The following PPP6R2 variants were observed in gnomAD, a reference collection of about 807,000 sequenced individuals.
PPP6R2 encodes protein phosphatase 6 regulatory subunit 2.
Under a neutral mutation model 100.2 loss-of-function variants are expected in PPP6R2, and 62 were observed. The ratio of observed to expected loss-of-function variants is 0.62; its 90% CI spans 0.50 to 0.76. PPP6R2 has a LOEUF of 0.76. Ranked by LOEUF, PPP6R2 falls within the 30% of genes least tolerant of loss-of-function variation. PPP6R2 has a pLI of 0.00. For synonymous variants in PPP6R2, 525 were observed against 514.7 expected, an observed-to-expected ratio of 1.02 and a Z score of -0.27; for missense variants, 1,142 against 1,276.3, an observed-to-expected ratio of 0.89 and a Z score of 1.60.
intron 1 of PPP6R2, among the ~76,000 whole-genome samples, chr22:50,349,100 C>T (rs1319104168): frequency 2.0e-5 from 3 of 148,540 alleles, no homozygotes; most frequent in African/African-American, 7.5e-5. Context: ...GAGGCTGGGG[C>T]AGGAGAATCG....
At chr22:50,398,795 A>G (rs9616936) in intron 3 of PPP6R2, among the ~76,000 whole-genome samples, 51,878 of 151,990 alleles carry the variant, frequency 0.34, 9,726 homozygotes, top group East Asian at 0.74. Flanking sequence ...GATAGTGCTA[A>G]GATTACAGAA....
At chr22:50,391,676 G>C (rs539324844) in intron 2 of PPP6R2, among the ~76,000 whole-genome samples, 1 of 150,298 alleles carries the variant, frequency 6.7e-6, no homozygotes, top group East Asian at 1.9e-4. Flanking sequence ...TATTGAAATG[G>C]TTGAATTTAT....
chr22:50,404,344 C>T (rs2058510022), intron 3 of PPP6R2, among the ~76,000 whole-genome samples: 1 of 152,028 alleles, frequency 6.6e-6, no homozygotes, highest in Non-Finnish European at 1.5e-5. Context: ...ATCCACCTGC[C>T]TCGGCCTCTC....
chr22:50,438,974 A>G (rs1165355961), intron 19 of PPP6R2, among the ~76,000 whole-genome samples: 2 of 152,182 alleles, frequency 1.3e-5, no homozygotes, highest in African/African-American at 4.8e-5. Context: ...CCTGCCTTGC[A>G]GTTGTGGTCA....
rs752840618 is a variant in PPP6R2 at position 50,438,159 on chromosome 22, C to T, written c.1840-15C>T. ...CAGACCCTCTGGAAACTCACCTTGGCGTTTTACTCTGCAGCCCAGCGCAGC... is the reference window on the plus strand; with the variant it reads ...CAGACCCTCTGGAAACTCACCTTGGTGTTTTACTCTGCAGCCCAGCGCAGC... On this transcript the variant is annotated splice_polypyrimidine_tract_variant and intron_variant, in intron 17 of 23. Coordinates refer to ENST00000612753, the MANE Select transcript of PPP6R2 (RefSeq NM_001242898.2). The T allele has an allele frequency of 6.2e-7, 1 of 1,604,076 alleles. No individual in the cohort carries two copies. The highest frequency in any genetic ancestry group is 1.1e-5 in the South Asian group (1 of 89,402).
At chr22:50,351,577 C>T (rs1038102634) in intron 1 of PPP6R2, among the ~76,000 whole-genome samples, 4 of 151,940 alleles carry the variant, frequency 2.6e-5, no homozygotes, top group Non-Finnish European at 5.9e-5. Context: ...ATTGTCCTAG[C>T]TGGATCTTCC....
At chr22:50,438,431 T>C in intron 18 of PPP6R2, 133 bp downstream of exon 18, 1 of 1,470,662 alleles carries the variant, frequency 6.8e-7, no homozygotes. Flanking sequence ...TGGGGCCCAA[T>C]GCAGCGGGTG....
Position 50,438,693 on chromosome 22 carries a change from G to T in PPP6R2, c.2059G>T (p.Ala687Ser), listed in dbSNP as rs766014531. ...GGCGAGCTTGGAAGCACACAGAGAT[G>T]CACCTGGGGCAGGTGCCCCACCGGC... is the stretch of plus-strand genomic sequence containing the variant. ...GKASLEAHRD[A>S]PGAGAPPAPG... The change falls in exon 19 of 24, where the codon GCA becomes TCA. Residue 687 changes from alanine (A) to serine (S), a missense_variant. By Grantham distance (99) the Ala-to-Ser change is moderately conservative (BLOSUM62 1). This residue lies in a region of PPP6R2 where 550 missense variants were observed against 517.4 expected (regional missense o/e 1.06). Transcript: ENST00000612753. The T allele has an allele frequency of 4.3e-6, 7 of 1,613,910 alleles. No individual in the cohort carries two copies. The highest frequency in any genetic ancestry group is 5.9e-6 in the Non-Finnish European group (7 of 1,179,966).
At chr22:50,382,728 A>G (rs1273920647) in intron 2 of PPP6R2, among the ~76,000 whole-genome samples, 1 of 152,142 alleles carries the variant, frequency 6.6e-6, no homozygotes. Flanking sequence ...TGGAAAACTT[A>G]CTGTTATACC....
upstream of PPP6R2, among the ~76,000 whole-genome samples, chr22:50,341,294 T>C (rs1016560555): frequency 6.6e-6 from 1 of 151,940 alleles, no homozygotes; most frequent in Non-Finnish European, 1.5e-5. Flanking sequence ...AAGCCTCAAC[T>C]ACCTGGGCTC....
chr22:50,353,737 A>G (rs944307394), intron 1 of PPP6R2, among the ~76,000 whole-genome samples: 2 of 151,894 alleles, frequency 1.3e-5, no homozygotes, highest in South Asian at 4.2e-4. Context: ...CATTTCACAG[A>G]TGAGGAAATG....
At chr22:50,411,870 T>C (rs533715543) in intron 4 of PPP6R2, among the ~76,000 whole-genome samples, 1 of 150,424 alleles carries the variant, frequency 6.6e-6, no homozygotes, top group African/African-American at 2.5e-5. Flanking sequence ...ACGGTGAAAC[T>C]CTGTCTCTAC....
In PPP6R2 at chr22:50,360,405, G is replaced by T. The variant is rs189406912; in HGVS notation, c.-147-11615G>T. Among the ~76,000 whole-genome samples the T allele has an allele frequency of 5.4e-5, 8 of 149,502 alleles. No individual in the cohort carries two copies. The East Asian group carries it at 1.4e-3, about 26-fold the overall frequency. On this transcript the variant is annotated intron_variant, in intron 1 of 23. Transcript: ENST00000612753. ...GGTCTCCTCTGCTGCCCACTTGGAA[G>T]TGCAAGTGGTATGAACACATGATCA...
chr22:50,441,877 G>A (rs1480719656), intron 22 of PPP6R2, among the ~76,000 whole-genome samples: 1 of 152,030 alleles, frequency 6.6e-6, no homozygotes, highest in Non-Finnish European at 1.5e-5. Flanking sequence ...TAGATGCCAG[G>A]GCCAGGTAAA....
chr22:50,430,240 A>T (rs9616847), intron 10 of PPP6R2, among the ~76,000 whole-genome samples: 56,310 of 151,994 alleles, frequency 0.37, 11,060 homozygotes, highest in East Asian at 0.68. Flanking sequence ...GGCCAGAACC[A>T]CCTCTGGGCT....
Position 50,378,117 on chromosome 22 carries a change from TTAAAA to T in PPP6R2, c.-17+5972_-17+5976del, listed in dbSNP as rs1203336839. 2.6e-5 allele frequency among the ~76,000 whole-genome samples: 4 copies of T among 152,310 alleles called. No homozygotes were observed. In the East Asian group the frequency reaches 5.8e-4, roughly 22 times the overall value. On this transcript the variant is annotated intron_variant, in intron 2 of 23. Coordinates refer to ENST00000612753, the MANE Select transcript of PPP6R2 (RefSeq NM_001242898.2). ...AACTACAAAGCACCAAAGAGTGTTCTTAAAATAAACGAAAAACACAGATCAACTTT... is the reference window on the plus strand; with the variant it reads ...AACTACAAAGCACCAAAGAGTGTTCTTAAACGAAAAACACAGATCAACTTT...
chr22:50,364,596 C>T (rs1268094625), intron 1 of PPP6R2, among the ~76,000 whole-genome samples: 1 of 152,072 alleles, frequency 6.6e-6, no homozygotes, highest in Non-Finnish European at 1.5e-5. Flanking sequence ...TATAAACAGT[C>T]TTGTGAGAGC....
At chr22:50,389,907 G>A (rs1409277969) in intron 2 of PPP6R2, among the ~76,000 whole-genome samples, 3 of 151,686 alleles carry the variant, frequency 2.0e-5, no homozygotes, top group Non-Finnish European at 4.4e-5. Context: ...TCATTTTTGA[G>A]TGTTTCTTAG....
At chr22:50,428,149 C>CCAGCCAATTTTTATATTTTTAGTAGAAA (rs1428816569) in intron 10 of PPP6R2, among the ~76,000 whole-genome samples, 2 of 151,992 alleles carry the variant, frequency 1.3e-5, no homozygotes, top group Admixed American at 6.6e-5. Flanking sequence ...GCCACCGTGC[C>CCAGCCAATTTTTATATTTTTAGTAGAAA]TGGCCCCATT....
Sources: gnomAD v4.1 joint callset for allele counts (sites outside exome capture counted in the v4.1 genomes callset) on GRCh38, gnomAD v4.1.1 for gene constraint, gnomAD v4.1.1 regional missense constraint, MANE v1.5 for transcripts, NCBI Gene and HGNC (gene_info 2026-07-23, HGNC 2026-07-21) for gene names.